Variants in COL16A1 observed in about 807,000 individuals in gnomAD.
The protein encoded by COL16A1 is collagen alpha-1(XVI) chain.
Under a neutral mutation model 266.3 loss-of-function variants are expected in COL16A1, and 189 were observed. The observed-to-expected ratio is 0.71, with a 90% CI of 0.63 to 0.80. The LOEUF is 0.80. Ranked by LOEUF, COL16A1 falls within the 30% of genes least tolerant of loss-of-function variation. COL16A1 has a pLI of 0.00. For synonymous variants in COL16A1, 740 were observed against 782.3 expected (o/e 0.95, Z 0.90); for missense variants, 1,928 against 2,122.4 (o/e 0.91, Z 1.80).
intron 69 of COL16A1, 39 bp from the exon 70 acceptor site, chr1:31,653,715 GA>G: frequency 1.3e-6 from 2 of 1,597,276 alleles, no homozygotes; most frequent in Non-Finnish European, 1.7e-6. Context: ...TCCCTGAGCA[GA>G]AAAATGACAC....
In COL16A1 at chr1:31,681,083, CCAGAGT is replaced by C; in HGVS notation, c.2539-22_2539-17del. Reference sequence around the variant, plus strand: ...CATCACGGCCCTGAAGAGAGAGAGCCCAGAGTCAGAGGGTGAGACTGGGCAGCGGCC... The same window carrying C: ...CATCACGGCCCTGAAGAGAGAGAGCCCAGAGGGTGAGACTGGGCAGCGGCC... On this transcript the variant is annotated splice_polypyrimidine_tract_variant and intron_variant, in intron 37 of 70. Coordinates refer to ENST00000373672, the MANE Select transcript of COL16A1 (RefSeq NM_001856.4). 1 of 1,608,492 alleles carries C rather than the reference CCAGAGT, an allele frequency of 6.2e-7. No homozygotes were observed. The highest frequency in any genetic ancestry group is 1.1e-5 in the South Asian group (1 of 90,316).
rs760926747 is a variant in COL16A1, at chr1:31,658,515, G to A, written c.3993C>T (p.Pro1331=). Residue 1331 remains proline, a synonymous_variant, in exon 64 of 71, where the codon CCC becomes CCT. Coordinates refer to ENST00000373672, the MANE Select transcript of COL16A1 (RefSeq NM_001856.4). ...GGGGGCCAGGGTGTCCAGGGGGGCC[G>A]GGCTGGCCTGGGAGGCCTGCAAGGC... ...ERGLAGLPGQ[P]GPPGHPGPPG... The A allele has an allele frequency of 2.0e-5, 32 of 1,604,534 alleles. No homozygotes were observed. Among genetic ancestry groups the A allele is most frequent in the African/African-American group, 5.3e-5 (4 of 74,840 alleles).
chr1:31,684,751 G>A lies in COL16A1; in HGVS notation c.2052+70C>T, dbSNP rs971276207. The A allele has an allele frequency of 4.3e-6, 7 of 1,611,994 alleles. No homozygotes were observed. The African/African-American group carries it at 9.3e-5, about 22-fold the overall frequency. On this transcript the variant is annotated intron_variant, in intron 30 of 70. Coordinates refer to ENST00000373672, the MANE Select transcript of COL16A1 (RefSeq NM_001856.4). ...CTGAGGGTTGGGGGCTAGGGAGGGA[G>A]GAAAATGAGGCAAGGAGGGGATCTG...
chr1:31,683,641 A>G (rs1643808818), intron 34 of COL16A1, 66 bp downstream of exon 34: 6 of 1,612,368 alleles, frequency 3.7e-6, no homozygotes, highest in East Asian at 2.2e-5. Flanking sequence ...TTGGGAGTGG[A>G]TGGAAGTAGG....
chr1:31,694,898 C>T (rs760082397), intron 11 of COL16A1, among the ~76,000 whole-genome samples: 6 of 152,190 alleles, frequency 3.9e-5, no homozygotes, highest in African/African-American at 9.7e-5. Flanking sequence ...TGCAAAGCTG[C>T]GATCAGCAAC....
chr1:31,695,426 T>C (rs1447242560), intron 10 of COL16A1, among the ~76,000 whole-genome samples: 1 of 110,700 alleles, frequency 9.0e-6, no homozygotes, highest in Non-Finnish European at 1.7e-5. Flanking sequence ...ATGGGGAAAC[T>C]GAAGCCCAGA....
At position 31,688,934 on chromosome 1, in the gene COL16A1, G is replaced by A; in HGVS notation, c.1694C>T (p.Ala565Val). The change falls in exon 25 of 71, where the codon GCC becomes GTC. Residue 565 changes from alanine (A) to valine (V), a missense_variant. Physicochemically the swap from Ala to Val is moderately conservative, Grantham distance 64. Around this residue, in one of 2 missense-constraint regions of COL16A1, gnomAD observed 1,552 missense variants for 1,637.2 expected, o/e 0.95. Coordinates refer to ENST00000373672, the MANE Select transcript of COL16A1 (RefSeq NM_001856.4). The surrounding 1 kb of genome is among the most constrained non-coding windows in gnomAD (Gnocchi z 4.9). ...CCCTGTGGAGGACACAAGATGCTGGGCCCCTACAACCGAGCTGCAGGACAA... is the reference window on the plus strand; with the variant it reads ...CCCTGTGGAGGACACAAGATGCTGGACCCCTACAACCGAGCTGCAGGACAA... ...PCLSCSSVVGAQHLVSSTGAS... is the reference protein window; with the variant it reads ...PCLSCSSVVGVQHLVSSTGAS... 1.2e-6 allele frequency: 2 copies of A among 1,614,166 alleles called. No homozygotes were observed. The highest frequency in any genetic ancestry group is 2.2e-5 in the East Asian group (1 of 44,880).
intron 2 of COL16A1, chr1:31,701,330 G>T (rs1428293616): frequency 1.0e-6 from 1 of 985,220 alleles, no homozygotes; most frequent in Non-Finnish European, 1.2e-6. Context: ...CAAAGCTCAC[G>T]CACACACAAG....
At chr1:31,653,354 C>T in intron 70 of COL16A1, 1 of 444,150 alleles carries the variant, frequency 2.3e-6, no homozygotes. Flanking sequence ...TCCCCACCTC[C>T]ATGCAGCTCT....
intron 11 of COL16A1, among the ~76,000 whole-genome samples, chr1:31,694,684 C>T (rs1644417656): frequency 6.6e-6 from 1 of 152,140 alleles, no homozygotes; most frequent in Non-Finnish European, 1.5e-5. Context: ...CAGTTGGGTG[C>T]CAGCTGGGCT....
rs75408840 is a variant in COL16A1, at chr1:31,703,759, C to T, written c.-35+78G>A. ...GGCCCAGAGAGGGAATGCCACTTTCCTCAGGTCACACAGCAAGTCTGGCAG... is the reference window on the plus strand; with the variant it reads ...GGCCCAGAGAGGGAATGCCACTTTCTTCAGGTCACACAGCAAGTCTGGCAG... On this transcript the variant is annotated intron_variant, in intron 1 of 70. Transcript: ENST00000373672. The T allele has an allele frequency of 9.5e-4, 145 of 152,512 alleles. 1 individual carries two copies. The highest frequency in any genetic ancestry group is 3.4e-3 in the African/African-American group (141 of 41,596). The allele number at this position is 152,512 out of a possible 1,614,324, so 9.4% of individuals were successfully genotyped here.
Position 31,697,044 on chromosome 1 carries a change from A to G in COL16A1, c.783T>C (p.Asn261=), listed in dbSNP as rs563176685. 4 of 1,614,034 alleles carry G rather than the reference A, an allele frequency of 2.5e-6. No individual in the cohort carries two copies. The highest frequency in any genetic ancestry group is 2.5e-6 in the Non-Finnish European group (3 of 1,180,004). ...ACTGTGGATTGATCTCAATGAGCTCATTGCTCTGGGTGTCCCGGCGGGCCT... is the reference window on the plus strand; with the variant it reads ...ACTGTGGATTGATCTCAATGAGCTCGTTGCTCTGGGTGTCCCGGCGGGCCT... The part of the protein sequence containing the change: ...TSKARRDTQS[N]ELIEINPQSE... The change falls in exon 8 of 71, where the codon AAT becomes AAC. Residue 261 remains asparagine (N), a synonymous_variant. Coordinates refer to ENST00000373672, the MANE Select transcript of COL16A1 (RefSeq NM_001856.4). The surrounding 1 kb of genome is among the most constrained non-coding windows in gnomAD (Gnocchi z 4.2).
Position 31,698,673 on chromosome 1 carries a change from C to G in COL16A1, c.267-67G>C. ...GACCCAAATGCTGCCCACCCTGAGCCCTCAGGACTGCTGAGCCTACCCAAG... is the reference window on the plus strand; with the variant it reads ...GACCCAAATGCTGCCCACCCTGAGCGCTCAGGACTGCTGAGCCTACCCAAG... On this transcript the variant is annotated intron_variant, in intron 4 of 70. Transcript: ENST00000373672. This position sits in a 1 kb window ranked among gnomAD's most constrained non-coding sequence, Gnocchi z 4.1. 1 of 1,587,694 alleles carries G rather than the reference C, an allele frequency of 6.3e-7. No homozygotes were observed. Among genetic ancestry groups the G allele is most frequent in the Non-Finnish European group, 8.5e-7 (1 of 1,170,178 alleles).
At chr1:31,673,346 C>G (rs1463965077) in intron 44 of COL16A1, 1 of 167,584 alleles carries the variant, frequency 6.0e-6, no homozygotes. Flanking sequence ...AATTGTCTTC[C>G]CCACAGGAAG....
In COL16A1 at chr1:31,680,850, G is replaced by A. The variant is rs975952842; in HGVS notation, c.2610+55C>T. 13 of 1,613,548 alleles carry A rather than the reference G, an allele frequency of 8.1e-6. No homozygotes were observed. In the African/African-American group the frequency reaches 1.2e-4, roughly 15 times the overall value. On this transcript the variant is annotated intron_variant, in intron 39 of 70. Transcript: ENST00000373672. The stretch of plus-strand genomic sequence containing the variant: ...CCAGAGTACGGGTCACAGGTGGGAA[G>A]GCTGGAGGGGCTGCTAATCCCCTAG...
intron 52 of COL16A1, 118 bp from the exon 53 acceptor site, chr1:31,666,199 C>G: frequency 9.1e-7 from 1 of 1,100,312 alleles, no homozygotes; most frequent in Non-Finnish European, 1.3e-6. Flanking sequence ...GGCCCCTGGG[C>G]TGGCAGGCCC....
At position 31,685,600 on chromosome 1, in the gene COL16A1, A is replaced by AT; in HGVS notation, c.2016+38dup. 2 of 1,541,012 alleles carry AT rather than the reference A, an allele frequency of 1.3e-6. No homozygotes were observed. The highest frequency in any genetic ancestry group is 1.8e-6 in the Non-Finnish European group (2 of 1,135,970). On this transcript the variant is annotated intron_variant, in intron 29 of 70. Transcript: ENST00000373672. This position sits in a 1 kb window ranked among gnomAD's most constrained non-coding sequence, Gnocchi z 4.0. ...CTCCCCTCTCCTTAGCCCCGCCTGCATCCCCCGTCCAGAGGCCCCTGCCTA... is the reference window on the plus strand; with the variant it reads ...CTCCCCTCTCCTTAGCCCCGCCTGCATTCCCCCGTCCAGAGGCCCCTGCCTA...
intron 62 of COL16A1, chr1:31,659,951 GTTCT>G (rs1641500286): frequency 1.4e-5 from 1 of 72,500 alleles, no homozygotes; most frequent in South Asian, 6.6e-4. Flanking sequence ...GGGCCTGAGA[GTTCT>G]TTTTTTTTTT....
At chr1:31,675,181 G>A (rs375890165) in intron 43 of COL16A1, 77 bp downstream of exon 43, 77 of 1,612,438 alleles carry the variant, frequency 4.8e-5, no homozygotes, top group East Asian at 4.0e-4. Context: ...TGCAGCTACC[G>A]GGCCAGCTTC....
Sources: allele counts gnomAD v4.1 joint callset (sites outside exome capture counted in the v4.1 genomes callset), GRCh38; gene constraint gnomAD v4.1.1; regional missense constraint gnomAD v4.1.1; non-coding constraint Gnocchi (gnomAD v3.1); transcripts MANE v1.5; gene names NCBI Gene and HGNC (gene_info 2026-07-23, HGNC 2026-07-21).